The following ZNF273 variants were observed in gnomAD, a reference collection of about 807,000 sequenced individuals.
ZNF273 encodes zinc finger protein 273, also known as zinc finger protein 9.
ZNF273 carries 11 observed loss-of-function variants against 14.9 expected under a neutral mutation model. The ratio of observed to expected loss-of-function variants is 0.74; its 90% confidence interval spans 0.46 to 1.22. ZNF273 has a LOEUF of 1.22. Ranked by LOEUF, ZNF273 falls within the 50% of genes most tolerant of loss-of-function variation. The pLI, the probability that ZNF273 is intolerant of heterozygous loss-of-function variation, is 0.00. For synonymous variants in ZNF273, 199 were observed against 223.9 expected (o/e 0.89, Z 0.99); for missense variants, 577 against 660.6 (o/e 0.87, Z 1.39).
At chr7:64,896,937 T>C (rs970538139) in intron 3 of ZNF273, among the ~76,000 whole-genome samples, 12 of 152,326 alleles carry the variant, frequency 7.9e-5, no homozygotes, top group Middle Eastern at 3.4e-3. Context: ...GAAAATGTGG[T>C]ATATTTACAC....
At chr7:64,908,609 C>G (rs571725277) in intron 1 of ZNF273, among the ~76,000 whole-genome samples, 1 of 152,094 alleles carries the variant, frequency 6.6e-6, no homozygotes, top group Non-Finnish European at 1.5e-5. Flanking sequence ...CCTGTCACCA[C>G]GCTTGGCTAA....
chr7:64,890,964 A>G (rs1791992962), downstream of ZNF273, among the ~76,000 whole-genome samples: 1 of 152,220 alleles, frequency 6.6e-6, no homozygotes, highest in Admixed American at 6.5e-5. Context: ...GAAAACCTGG[A>G]AACCATGAAG....
chr7:64,913,399 A>G (rs1008968447), intron 1 of ZNF273, among the ~76,000 whole-genome samples: 38 of 152,258 alleles, frequency 2.5e-4, no homozygotes, highest in African/African-American at 9.2e-4. Context: ...TGTTACGAGG[A>G]TTCAATCACA....
At chr7:64,927,602 A>G in intron 3 of ZNF273, 52 bp from the exon 4 acceptor site, 1 of 1,439,904 alleles carries the variant, frequency 6.9e-7, no homozygotes, top group Non-Finnish European at 9.4e-7. Context: ...TTTGTAAAGT[A>G]TATTCATCTG....
downstream of ZNF273, among the ~76,000 whole-genome samples, chr7:64,883,426 G>A (rs1053373206): frequency 6.6e-6 from 1 of 152,118 alleles, no homozygotes; most frequent in African/African-American, 2.4e-5. Context: ...CATCGTCTCG[G>A]GATTTCATTC....
chr7:64,880,516 G>T (rs1791215094), downstream of ZNF273, among the ~76,000 whole-genome samples: 1 of 152,104 alleles, frequency 6.6e-6, no homozygotes, highest in African/African-American at 2.4e-5. Context: ...GTGTGTGTGT[G>T]TGTCTGTGTG....
intron 3 of ZNF273, 143 bp downstream of exon 3, chr7:64,918,435 G>A (rs1407060758): frequency 4.4e-6 from 3 of 683,016 alleles, no homozygotes; most frequent in Admixed American, 7.2e-5. Flanking sequence ...GGCCGAGGCG[G>A]GCGGATCACG....
At chr7:64,924,322 A>G (rs1012360238) in intron 3 of ZNF273, 2 of 152,160 alleles carry the variant, frequency 1.3e-5, no homozygotes, top group African/African-American at 4.8e-5. Flanking sequence ...TTGTATACCT[A>G]TGTTAGGAAT....
At position 64,914,400 on chromosome 7, in the gene ZNF273, C is replaced by G. The variant is rs540767686; in HGVS notation, c.103-3181C>G. On this transcript the variant is annotated intron_variant, in intron 1 of 3. Transcript: ENST00000476120. ...TACTTATTATTTTTATTTCTTTTAC[C>G]TTGCCATTAAAAAAAAATTGGCAAC... 6.7e-5 allele frequency among the ~76,000 whole-genome samples: 10 copies of G among 149,462 alleles called. No individual in the cohort carries two copies. In the South Asian group the frequency reaches 2.0e-3, roughly 29 times the overall value.
chr7:64,914,230 T>C (rs1422824195), intron 1 of ZNF273, among the ~76,000 whole-genome samples: 3 of 146,172 alleles, frequency 2.1e-5, no homozygotes, highest in Non-Finnish European at 4.5e-5. Context: ...GGTTATGGGG[T>C]TTGGCCATGT....
chr7:64,888,984 T>A, downstream of ZNF273: 1 of 985,006 alleles, frequency 1.0e-6, no homozygotes, highest in Non-Finnish European at 1.2e-6. Flanking sequence ...TGGTCAAGGT[T>A]AATAAGGGCA....
intron 1 of ZNF273, among the ~76,000 whole-genome samples, chr7:64,909,484 C>T (rs957554610): frequency 2.0e-5 from 3 of 152,030 alleles, no homozygotes; most frequent in Admixed American, 6.6e-5. Context: ...CTACCTTGGC[C>T]CCCCAAAGTG....
At chr7:64,936,583 T>A in the ZNF273 span, among the ~76,000 whole-genome samples, 2 of 152,230 alleles carry the variant, frequency 1.3e-5, no homozygotes, top group East Asian at 3.8e-4. Flanking sequence ...TTATTTATAG[T>A]ACTCAACCTG....
downstream of ZNF273, among the ~76,000 whole-genome samples, chr7:64,883,766 C>G (rs1410737310): frequency 6.6e-6 from 1 of 152,206 alleles, no homozygotes; most frequent in Non-Finnish European, 1.5e-5. Flanking sequence ...GCACCCCGGC[C>G]TCCTCTTTTC....
chr7:64,923,638 G>A lies in ZNF273; in HGVS notation c.326-4016G>A, dbSNP rs1457780046. The A allele has an allele frequency of 2.1e-5, 5 of 238,432 alleles. No homozygotes were observed. The East Asian group carries it at 4.4e-4, about 21-fold the overall frequency. The allele number at this position is 238,432 out of a possible 1,614,324, so 14.8% of individuals were successfully genotyped here. A position where few individuals can be genotyped will look rare whatever the true frequency, so the allele number is the denominator to read the frequency against. On this transcript the variant is annotated intron_variant, in intron 3 of 3. Coordinates refer to ENST00000476120, the MANE Select transcript of ZNF273 (RefSeq NM_021148.3). ...ATTACAGGCATGAGCCACAGTGCCC[G>A]GCCAAGTATTTTTATATTTCAGATC...
chr7:64,880,463 CGGGAGTGTT>C (rs1480737657), downstream of ZNF273, among the ~76,000 whole-genome samples: 40 of 152,026 alleles, frequency 2.6e-4, 1 homozygote, highest in Middle Eastern at 0.017. Context: ...GGTGTTTCTG[CGGGAGTGTT>C]GGGAGTGTTG....
intron 3 of ZNF273, among the ~76,000 whole-genome samples, chr7:64,922,822 C>G (rs994843831): frequency 6.6e-6 from 1 of 151,866 alleles, no homozygotes; most frequent in Non-Finnish European, 1.5e-5. Context: ...AAACATTAGC[C>G]AGGTGTGGTG....
In ZNF273 at chr7:64,927,756, A is replaced by G; in HGVS notation, c.428A>G (p.Asn143Ser). The G allele has an allele frequency of 1.2e-6, 2 of 1,613,690 alleles. No homozygotes were observed. Among genetic ancestry groups the G allele is most frequent in the Non-Finnish European group, 1.7e-6 (2 of 1,179,890 alleles). Residue 143 changes from asparagine to serine, a missense_variant, in exon 4 of 4, where the codon AAT becomes AGT. Around this residue, in one of 3 missense-constraint regions of ZNF273, gnomAD observed 162 missense variants for 203.5 expected, o/e 0.80. Transcript: ENST00000476120. ...AGATATGGAAAATATGGACATGAGAATTTACAATTAAGAAAAGGCTGTAAA... is the reference window on the plus strand; with the variant it reads ...AGATATGGAAAATATGGACATGAGAGTTTACAATTAAGAAAAGGCTGTAAA... The part of the protein sequence containing the change: ...LRRYGKYGHE[N>S]LQLRKGCKSA...
chr7:64,896,645 C>A (rs561758742), intron 3 of ZNF273, among the ~76,000 whole-genome samples: 1 of 152,044 alleles, frequency 6.6e-6, no homozygotes, highest in South Asian at 2.1e-4. Flanking sequence ...ATGCTTATAG[C>A]TACTATGTAT....
Sources: gnomAD v4.1 joint callset for allele counts (sites outside exome capture counted in the v4.1 genomes callset) on GRCh38, gnomAD v4.1.1 for gene constraint, gnomAD v4.1.1 regional missense constraint, MANE v1.5 for transcripts, NCBI Gene and HGNC (gene_info 2026-07-23, HGNC 2026-07-21) for gene names.